ATP10B: variants seen among roughly 807,000 people sequenced by gnomAD.
ATP10B encodes phospholipid-transporting ATPase VB.
Under a neutral mutation model 141.2 loss-of-function variants are expected in ATP10B, and 122 were observed. The ratio of observed to expected loss-of-function variants is 0.86; its 90% CI spans 0.75 to 1.00. The LOEUF is 1.00. ATP10B is among the 50% of genes least tolerant of loss of function. ATP10B has a pLI of 0.00. For missense variants in ATP10B, 1,876 were observed against 1,825.3 expected, an observed-to-expected ratio of 1.03 and a Z score of -0.51; for synonymous variants, 685 against 692.0, an observed-to-expected ratio of 0.99 and a Z score of 0.16.
At chr5:160,588,008 C>T (rs371028808) in intron 24 of ATP10B, among the ~76,000 whole-genome samples, 89 of 152,174 alleles carry the variant, frequency 5.8e-4, no homozygotes, top group African/African-American at 2.1e-3. Context: ...TGCCATCATG[C>T]CTAGCTAATT....
intron 3 of ATP10B, among the ~76,000 whole-genome samples, chr5:160,698,123 AT>A (rs747933166): frequency 2.0e-5 from 3 of 151,972 alleles, no homozygotes; most frequent in Non-Finnish European, 2.9e-5. Flanking sequence ...CTTATGTGCC[AT>A]TTCTACTTGT....
intron 7 of ATP10B, among the ~76,000 whole-genome samples, chr5:160,652,859 T>C (rs1220228307): frequency 1.4e-5 from 1 of 74,046 alleles, no homozygotes; most frequent in East Asian, 3.0e-4. Context: ...AGATTATAAA[T>C]TATATATAAT....
At chr5:160,665,297 T>C (rs1172827613) in intron 7 of ATP10B, among the ~76,000 whole-genome samples, 1 of 152,230 alleles carries the variant, frequency 6.6e-6, no homozygotes, top group Non-Finnish European at 1.5e-5. Context: ...CATTTGAACC[T>C]AAACAGGAAA....
chr5:160,684,752 C>T, intron 6 of ATP10B: 1 of 613,014 alleles, frequency 1.6e-6, no homozygotes, highest in Non-Finnish European at 2.9e-6. Flanking sequence ...TACTCCATCC[C>T]TTCTACAAAC....
At chr5:160,774,549 G>T (rs945869692) in intron 2 of ATP10B, among the ~76,000 whole-genome samples, 14 of 152,258 alleles carry the variant, frequency 9.2e-5, no homozygotes, top group Admixed American at 7.2e-4. Context: ...GCCAGATTTG[G>T]CTCTATTAAC....
intron 5 of ATP10B, 96 bp downstream of exon 5, chr5:160,687,704 G>A: frequency 7.4e-7 from 1 of 1,356,998 alleles, no homozygotes; most frequent in Non-Finnish European, 1.0e-6. Context: ...GGTGAAGGTT[G>A]CAGTGAGCCG....
At chr5:160,584,692 GC>G (rs1313611991) in intron 24 of ATP10B, among the ~76,000 whole-genome samples, 13 of 152,068 alleles carry the variant, frequency 8.5e-5, no homozygotes, top group Admixed American at 7.9e-4. Flanking sequence ...CTATTGAATA[GC>G]CCTTCTTTAT....
At chr5:160,732,838 T>C (rs975894985) in intron 2 of ATP10B, among the ~76,000 whole-genome samples, 2 of 152,156 alleles carry the variant, frequency 1.3e-5, no homozygotes, top group East Asian at 1.9e-4. Flanking sequence ...ATGAAGAATG[T>C]CATTGTTTTT....
intron 1 of ATP10B, among the ~76,000 whole-genome samples, chr5:160,791,987 C>T (rs1771604326): frequency 6.6e-6 from 1 of 152,122 alleles, no homozygotes; most frequent in African/African-American, 2.4e-5. Flanking sequence ...CTCTTCTCTC[C>T]CTCTTTACAG....
At chr5:160,734,106 CAAAAAAAAAAAAA>C (rs34655958) in intron 2 of ATP10B, among the ~76,000 whole-genome samples, 2 of 67,924 alleles carry the variant, frequency 2.9e-5, no homozygotes, top group African/African-American at 1.1e-4. Context: ...GACTCCATCT[CAAAAAAAAAAAAA>C]AAAAAAAAAG....
At chr5:160,592,501 AT>A (rs1204751540) in intron 22 of ATP10B, among the ~76,000 whole-genome samples, 5 of 152,222 alleles carry the variant, frequency 3.3e-5, no homozygotes, top group African/African-American at 1.2e-4. Flanking sequence ...AAGACGGGTG[AT>A]TTCTGCATTT....
chr5:160,680,419 T>C (rs528102166), intron 6 of ATP10B, among the ~76,000 whole-genome samples: 2 of 152,338 alleles, frequency 1.3e-5, no homozygotes, highest in African/African-American at 4.8e-5. Context: ...CTAACACTTA[T>C]CTATTTAATA....
At chr5:160,827,867 T>C (rs567251461) in intron 1 of ATP10B, among the ~76,000 whole-genome samples, 1 of 152,306 alleles carries the variant, frequency 6.6e-6, no homozygotes, top group Non-Finnish European at 1.5e-5. Flanking sequence ...CATTGCTTGT[T>C]CTTCTCAGGT....
At chr5:160,747,178 A>G (rs779732522) in intron 2 of ATP10B, among the ~76,000 whole-genome samples, 8 of 152,190 alleles carry the variant, frequency 5.3e-5, no homozygotes, top group Admixed American at 2.6e-4. Flanking sequence ...TGTTGTCCCA[A>G]TGATTCCAGG....
intron 2 of ATP10B, among the ~76,000 whole-genome samples, chr5:160,764,274 A>G (rs1418016077): frequency 2.0e-5 from 3 of 151,898 alleles, no homozygotes; most frequent in African/African-American, 7.2e-5. Context: ...AAAACTACAG[A>G]CCAATATCCC....
chr5:160,631,610 T>C (rs540542255), intron 13 of ATP10B, among the ~76,000 whole-genome samples: 163 of 152,396 alleles, frequency 1.1e-3, no homozygotes, highest in Admixed American at 2.0e-3. Context: ...CAAACACACA[T>C]GCCTTACAGG....
chr5:160,639,149 C>T (rs1759639214), intron 10 of ATP10B: 1 of 152,394 alleles, frequency 6.6e-6, no homozygotes, highest in Admixed American at 6.5e-5. Flanking sequence ...CCTGCCACAT[C>T]CAGCCCCTAC....
intron 1 of ATP10B, among the ~76,000 whole-genome samples, chr5:160,849,908 G>A (rs1363776514): frequency 7.2e-5 from 11 of 152,136 alleles, no homozygotes; most frequent in Non-Finnish European, 1.5e-4. Flanking sequence ...AGAAATCAGT[G>A]ACATTTAATC....
chr5:160,734,037 G>C (rs1357398587), intron 2 of ATP10B, among the ~76,000 whole-genome samples: 1 of 149,868 alleles, frequency 6.7e-6, no homozygotes, highest in Non-Finnish European at 1.5e-5. Flanking sequence ...GAACCCGGGA[G>C]GTGGAGGTTG....
Sources: allele counts gnomAD v4.1 joint callset (sites outside exome capture counted in the v4.1 genomes callset), GRCh38; gene constraint gnomAD v4.1.1; transcripts MANE v1.5; gene names NCBI Gene and HGNC (gene_info 2026-07-23, HGNC 2026-07-21).